The following IGF2BP2 variants were observed in gnomAD, a reference collection of about 807,000 sequenced individuals.
IGF2BP2 encodes the protein insulin like growth factor 2 mRNA binding protein 2.
In IGF2BP2, 17 loss-of-function variants were observed where a neutral mutation model predicts 75.8. The observed-to-expected ratio is 0.22, with a 90% CI of 0.15 to 0.34. IGF2BP2 has a LOEUF of 0.34. IGF2BP2 is among the 10% of genes least tolerant of loss of function. The pLI, the probability that IGF2BP2 is intolerant of heterozygous loss-of-function variation, is 1.00. For missense variants in IGF2BP2, 516 were observed against 772.4 expected, an observed-to-expected ratio of 0.67 and a Z score of 3.93; for synonymous variants, 288 against 295.6, an observed-to-expected ratio of 0.97 and a Z score of 0.26.
intron 2 of IGF2BP2, among the ~76,000 whole-genome samples, chr3:185,757,058 G>A (rs968882223): frequency 8.5e-5 from 13 of 152,288 alleles, no homozygotes; most frequent in Admixed American, 3.9e-4. Flanking sequence ...GGTTCTAGCC[G>A]TATCTCTATC....
chr3:185,780,609 T>G (rs1386366105), intron 2 of IGF2BP2, among the ~76,000 whole-genome samples: 1 of 152,208 alleles, frequency 6.6e-6, no homozygotes, highest in African/African-American at 2.4e-5. Flanking sequence ...TTGGTTTTTC[T>G]GTGTATACAC....
intron 2 of IGF2BP2, among the ~76,000 whole-genome samples, chr3:185,775,099 T>TAGAACTCTAGC (rs1734381620): frequency 6.6e-6 from 1 of 152,052 alleles, no homozygotes; most frequent in Non-Finnish European, 1.5e-5. Context: ...GCAAGTTACT[T>TAGAACTCTAGC]AAGCTCTATG....
intron 2 of IGF2BP2, among the ~76,000 whole-genome samples, chr3:185,772,034 G>C (rs952006442): frequency 6.6e-6 from 1 of 152,082 alleles, no homozygotes; most frequent in Non-Finnish European, 1.5e-5. Context: ...TTTTGCTTAA[G>C]CTAGCTTGAT....
intron 7 of IGF2BP2, among the ~76,000 whole-genome samples, chr3:185,683,830 T>C (rs1008706909): frequency 1.3e-5 from 2 of 152,206 alleles, no homozygotes; most frequent in African/African-American, 4.8e-5. Context: ...GGAATGCACA[T>C]CTGAAATCAC....
At chr3:185,739,202 C>T (rs1410841916) in intron 2 of IGF2BP2, among the ~76,000 whole-genome samples, 1 of 152,208 alleles carries the variant, frequency 6.6e-6, no homozygotes, top group East Asian at 1.9e-4. Context: ...CAAAACGAAA[C>T]GGCCATTGCA....
intron 2 of IGF2BP2, among the ~76,000 whole-genome samples, chr3:185,708,591 G>A (rs956986564): frequency 6.6e-6 from 1 of 152,042 alleles, no homozygotes; most frequent in East Asian, 1.9e-4. Context: ...GGCGCACGGC[G>A]GGGTGCAGCA....
At chr3:185,761,983 G>A (rs1336893887) in intron 2 of IGF2BP2, among the ~76,000 whole-genome samples, 1 of 152,216 alleles carries the variant, frequency 6.6e-6, no homozygotes, top group Non-Finnish European at 1.5e-5. Context: ...AACTGCTGTA[G>A]ATATTCTACC....
chr3:185,823,001 AAAG>A (rs1194001465), intron 2 of IGF2BP2, 149 bp downstream of exon 2: 2 of 507,480 alleles, frequency 3.9e-6, no homozygotes, highest in Admixed American at 4.0e-5. Context: ...AAAAAAAAAA[AAAG>A]TAGCTTTCTA....
chr3:185,734,994 A>C (rs572543833), intron 2 of IGF2BP2, among the ~76,000 whole-genome samples: 2 of 152,324 alleles, frequency 1.3e-5, no homozygotes, highest in South Asian at 4.1e-4. Flanking sequence ...GAAAGCACAC[A>C]TAAGTGCTCA....
chr3:185,673,445 G>A (rs1237869127), intron 9 of IGF2BP2, among the ~76,000 whole-genome samples: 1 of 152,204 alleles, frequency 6.6e-6, no homozygotes, highest in Non-Finnish European at 1.5e-5. Flanking sequence ...CCAGGTTCGG[G>A]ATGGTTTACA....
intron 2 of IGF2BP2, among the ~76,000 whole-genome samples, chr3:185,699,135 T>C (rs986125883): frequency 2.6e-5 from 4 of 152,096 alleles, no homozygotes; most frequent in African/African-American, 9.7e-5. Context: ...TTTTAAGGTT[T>C]TCAATTACTT....
intron 10 of IGF2BP2, among the ~76,000 whole-genome samples, chr3:185,662,824 T>G (rs1324006812): frequency 6.6e-6 from 1 of 152,066 alleles, no homozygotes; most frequent in Non-Finnish European, 1.5e-5. Context: ...ATTACAGGCT[T>G]GAGCCACTGC....
In IGF2BP2 at chr3:185,643,783, T is replaced by TTC. The variant is rs1553844430; in HGVS notation, c.*1747_*1748insGA. ...TTCTGTTTTTTCTTTTTTTTTCTTT[T>TTC]TTTTTTTTTTTTTTTTGTCACAGAA... On this transcript the variant is annotated 3_prime_UTR_variant, in exon 16 of 16. Coordinates refer to ENST00000382199, the MANE Select transcript of IGF2BP2 (RefSeq NM_006548.6). 6.8e-6 allele frequency: 1 copy of TTC among 146,116 alleles called. No homozygotes were observed. Among genetic ancestry groups the TTC allele is most frequent in the Non-Finnish European group, 1.5e-5 (1 of 66,412 alleles). 9.1% of individuals were successfully genotyped at this position (146,116 alleles called of 1,614,324 possible).
intron 2 of IGF2BP2, among the ~76,000 whole-genome samples, chr3:185,704,356 T>C (rs1723717558): frequency 6.6e-6 from 1 of 152,188 alleles, no homozygotes; most frequent in Non-Finnish European, 1.5e-5. Context: ...GGTCACTCTG[T>C]ACAAGGGACA....
intron 7 of IGF2BP2, among the ~76,000 whole-genome samples, chr3:185,684,802 C>G (rs1288305875): frequency 6.6e-6 from 1 of 150,530 alleles, no homozygotes; most frequent in Non-Finnish European, 1.5e-5. Flanking sequence ...ACTGCTCCAT[C>G]AAAGCAGGAA....
At chr3:185,741,924 C>T (rs1283898604) in intron 2 of IGF2BP2, among the ~76,000 whole-genome samples, 3 of 152,116 alleles carry the variant, frequency 2.0e-5, no homozygotes, top group Non-Finnish European at 4.4e-5. Flanking sequence ...ATGAACAACC[C>T]CTCTTACTCA....
intron 9 of IGF2BP2, 23 bp downstream of exon 9, chr3:185,675,273 A>G: frequency 1.9e-6 from 3 of 1,595,632 alleles, no homozygotes; most frequent in Non-Finnish European, 2.6e-6. Flanking sequence ...AAACCAGCGG[A>G]GAAGAAAGCA....
At chr3:185,804,099 A>C (rs1375269928) in intron 2 of IGF2BP2, among the ~76,000 whole-genome samples, 1 of 152,184 alleles carries the variant, frequency 6.6e-6, no homozygotes, top group African/African-American at 2.4e-5. Context: ...TCTACTAAAA[A>C]TACAAAAATT....
chr3:185,735,835 G>C (rs1260538461), intron 2 of IGF2BP2, among the ~76,000 whole-genome samples: 1 of 152,170 alleles, frequency 6.6e-6, no homozygotes, highest in Non-Finnish European at 1.5e-5. Flanking sequence ...CTCCTAACTA[G>C]CCACAGAAGT....
Sources: gnomAD v4.1 joint callset for allele counts (sites outside exome capture counted in the v4.1 genomes callset) on GRCh38, gnomAD v4.1.1 for gene constraint, MANE v1.5 for transcripts, NCBI Gene and HGNC (gene_info 2026-07-23, HGNC 2026-07-21) for gene names.